The following VPS13B variants were observed in gnomAD, a reference collection of about 807,000 sequenced individuals.
VPS13B encodes intermembrane lipid transfer protein VPS13B.
A neutral mutation model predicts 426.4 loss-of-function variants in VPS13B; 285 were observed. The ratio of observed to expected loss-of-function variants is 0.67; its 90% CI spans 0.61 to 0.74. The LOEUF (loss-of-function observed/expected upper bound fraction) is 0.74. Among genes scored for constraint, VPS13B ranks in the 30% least tolerant of loss-of-function variants. VPS13B has a pLI of 0.00. For missense variants in VPS13B, 4,537 were observed against 4,782.6 expected, an observed-to-expected ratio of 0.95 and a Z score of 1.51; for synonymous variants, 1,676 against 1,676.4, an observed-to-expected ratio of 1.00 and a Z score of 0.01.
chr8:99,853,934 C>G lies in VPS13B; in HGVS notation c.10545C>G (p.Tyr3515Ter), dbSNP rs758842658. 1 of 1,614,228 alleles carries G rather than the reference C, an allele frequency of 6.2e-7. No individual in the cohort carries two copies. Among genetic ancestry groups the G allele is most frequent in the Non-Finnish European group, 8.5e-7 (1 of 1,180,034 alleles). Residue 3515 changes from tyrosine to a stop codon, truncating the protein, a stop_gained, in exon 56 of 62, where the codon TAC becomes TAG. Coordinates refer to ENST00000357162, the MANE Select transcript of VPS13B (RefSeq NM_152564.5). LOFTEE classifies it high-confidence loss of function. Reference protein sequence around the residue: ...RLYVEDTFVYYIKTLFDTYLP... With the variant: ...RLYVEDTFVY ...ACGTGGAAGACACATTTGTATACTA[C>G]ATCAAGACTTTGTTTGACACCTACC...
chr8:99,583,274 A>G (rs1826161415), intron 33 of VPS13B, among the ~76,000 whole-genome samples: 1 of 152,188 alleles, frequency 6.6e-6, no homozygotes, highest in East Asian at 1.9e-4. Flanking sequence ...AGGGAACAAT[A>G]AAATAATGTG....
intron 59 of VPS13B, among the ~76,000 whole-genome samples, chr8:99,870,019 A>G (rs1817309029): frequency 6.6e-6 from 1 of 152,258 alleles, no homozygotes. Context: ...TCATAAATGT[A>G]TATGGATTCG....
chr8:99,189,810 A>T (rs1323979438), intron 16 of VPS13B, among the ~76,000 whole-genome samples: 1 of 152,116 alleles, frequency 6.6e-6, no homozygotes, highest in Non-Finnish European at 1.5e-5. Flanking sequence ...TATAGTTTAA[A>T]TCCATTGTGA....
intron 2 of VPS13B, among the ~76,000 whole-genome samples, chr8:99,031,269 G>A (rs1004269365): frequency 3.3e-5 from 5 of 151,946 alleles, no homozygotes; most frequent in Non-Finnish European, 5.9e-5. Flanking sequence ...ATATCTGTTC[G>A]TTGAATTTCT....
rs759332797 is a variant in VPS13B at position 99,143,084 on chromosome 8, A to G, written c.1762A>G (p.Ser588Gly). ...AGGTCCTCTTGATTTTCGTTTGGAT[A>G]GCAGTGCGGTGCATAGGATTTTGAA... ...VIGPLDFRLD[S>G]SAVHRILKMI... The change falls in exon 13 of 62, where the codon AGC becomes GGC. Residue 588 changes from serine (S) to glycine (G), a missense_variant. Physicochemically the swap from Ser to Gly is moderately conservative, Grantham distance 56. This residue lies in a region of VPS13B where 4,311 missense variants were observed against 4,474.3 expected (regional missense o/e 0.96). Coordinates refer to ENST00000357162, the MANE Select transcript of VPS13B (RefSeq NM_152564.5). 191 of 1,614,062 alleles carry G rather than the reference A, an allele frequency of 1.2e-4. No homozygotes were observed. The highest frequency in any genetic ancestry group is 1.0e-4 in the Non-Finnish European group (123 of 1,179,960).
At chr8:99,837,340 G>A (rs922815008) in intron 54 of VPS13B, among the ~76,000 whole-genome samples, 5 of 152,084 alleles carry the variant, frequency 3.3e-5, no homozygotes, top group African/African-American at 9.7e-5. Flanking sequence ...GTGAAAACCC[G>A]CGGGATCTGT....
chr8:99,188,339 C>G (rs1563591460), intron 16 of VPS13B, among the ~76,000 whole-genome samples: 1 of 151,926 alleles, frequency 6.6e-6, no homozygotes, highest in Admixed American at 6.6e-5. Flanking sequence ...TAATATGTGA[C>G]TTTTTGGTCT....
At chr8:99,433,200 A>C (rs1302138940) in intron 22 of VPS13B, among the ~76,000 whole-genome samples, 1 of 152,194 alleles carries the variant, frequency 6.6e-6, no homozygotes, top group Non-Finnish European at 1.5e-5. Context: ...GGCAGACAAG[A>C]AGTGATGGAG....
At chr8:99,216,665 ATTGGATACTTAC>A (rs1205158933) in intron 17 of VPS13B, among the ~76,000 whole-genome samples, 8 of 151,550 alleles carry the variant, frequency 5.3e-5, no homozygotes, top group Non-Finnish European at 1.5e-5. Context: ...ACATGTAGCT[ATTGGATACTTAC>A]ATGTGGCTAA....
At position 99,147,913 on chromosome 8, in the gene VPS13B, G is replaced by A. The variant is rs772958839; in HGVS notation, c.1916G>A (p.Arg639Gln). The A allele has an allele frequency of 7.4e-6, 12 of 1,613,130 alleles. No homozygotes were observed. Among genetic ancestry groups the A allele is most frequent in the East Asian group, 6.7e-5 (3 of 44,814 alleles). ...CTTCTGGAGGAATATATTCCTACTCGACATACAAGTGTTACTCTCCTCAAA... is the reference window on the plus strand; with the variant it reads ...CTTCTGGAGGAATATATTCCTACTCAACATACAAGTGTTACTCTCCTCAAA... Reference protein sequence around the residue: ...VALLEEYIPTRHTSVTLLKCT... With the variant: ...VALLEEYIPTQHTSVTLLKCT... Residue 639 changes from arginine (R) to glutamine (Q), a missense_variant, in exon 14 of 62, where the codon CGA (arginine) becomes CAA (glutamine). Around this residue, in one of 2 missense-constraint regions of VPS13B, gnomAD observed 4,311 missense variants for 4,474.3 expected, o/e 0.96. Coordinates refer to ENST00000357162, the MANE Select transcript of VPS13B (RefSeq NM_152564.5).
intron 19 of VPS13B, among the ~76,000 whole-genome samples, chr8:99,313,090 C>G (rs1426383979): frequency 6.6e-6 from 1 of 152,124 alleles, no homozygotes; most frequent in Non-Finnish European, 1.5e-5. Flanking sequence ...TCAAGGTTTT[C>G]AGCTTCTTTG....
intron 33 of VPS13B, among the ~76,000 whole-genome samples, chr8:99,596,857 C>T (rs1283003748): frequency 6.6e-6 from 1 of 152,010 alleles, no homozygotes; most frequent in Non-Finnish European, 1.5e-5. Flanking sequence ...AATTATTCTA[C>T]TATGAAAGTA....
chr8:99,674,372 A>G (rs1830838183), intron 35 of VPS13B, among the ~76,000 whole-genome samples: 1 of 152,094 alleles, frequency 6.6e-6, no homozygotes, highest in Non-Finnish European at 1.5e-5. Context: ...TTTCACTTAA[A>G]GTATGATATA....
Position 99,312,305 on chromosome 8 carries a change from AC to A in VPS13B, c.2824+37053del, listed in dbSNP as rs533627435. Among the ~76,000 whole-genome samples the A allele has an allele frequency of 8.7e-3, 1,327 of 152,268 alleles. 22 individuals carry two copies. The highest frequency in any genetic ancestry group is 0.029 in the African/African-American group (1,201 of 41,552). Reference sequence around the variant, plus strand: ...TTGGCATGTTTTTCCAGTGGCTGCTACCAGTTGTTCCTTTCCATGTTTATTG... The same window carrying A: ...TTGGCATGTTTTTCCAGTGGCTGCTACAGTTGTTCCTTTCCATGTTTATTG... On this transcript the variant is annotated intron_variant, in intron 19 of 61. Coordinates refer to ENST00000357162, the MANE Select transcript of VPS13B (RefSeq NM_152564.5).
chr8:99,815,901 A>G (rs1156725201), intron 44 of VPS13B, among the ~76,000 whole-genome samples: 1 of 152,156 alleles, frequency 6.6e-6, no homozygotes, highest in Non-Finnish European at 1.5e-5. Context: ...GTGCAATTAC[A>G]GTTCACTGCA....
At chr8:99,521,070 T>C in intron 30 of VPS13B, 60 bp downstream of exon 30, 1 of 1,344,400 alleles carries the variant, frequency 7.4e-7, no homozygotes, top group Non-Finnish European at 1.1e-6. Context: ...ACACATATAG[T>C]GGTCAATAAC....
intron 25 of VPS13B, among the ~76,000 whole-genome samples, chr8:99,483,309 T>C (rs531966495): frequency 1.3e-5 from 2 of 152,188 alleles, no homozygotes; most frequent in South Asian, 4.2e-4. Flanking sequence ...GAGGAAGCGA[T>C]AGGAAGTCTA....
At chr8:99,230,519 A>G (rs1816264444) in intron 17 of VPS13B, among the ~76,000 whole-genome samples, 1 of 152,332 alleles carries the variant, frequency 6.6e-6, no homozygotes, top group South Asian at 2.1e-4. Flanking sequence ...TTTAAGATTT[A>G]TAATTGTTTA....
intron 42 of VPS13B, 93 bp from the exon 43 acceptor site, chr8:99,784,222 T>G: frequency 6.6e-7 from 1 of 1,512,864 alleles, no homozygotes; most frequent in South Asian, 1.1e-5. Flanking sequence ...TTTTAGGGTT[T>G]CTGTGTTGTA....
Sources: gnomAD v4.1 joint callset for allele counts (sites outside exome capture counted in the v4.1 genomes callset) on GRCh38, gnomAD v4.1.1 for gene constraint, gnomAD v4.1.1 regional missense constraint, MANE v1.5 for transcripts, NCBI Gene and HGNC (gene_info 2026-07-23, HGNC 2026-07-21) for gene names.